The following BCAS4 variants were observed in gnomAD, a reference collection of about 807,000 sequenced individuals.
BCAS4 encodes breast carcinoma amplified sequence 4.
BCAS4 carries 9 observed loss-of-function variants against 15.7 expected under a neutral mutation model. The ratio of observed to expected loss-of-function variants is 0.57; its 90% CI spans 0.34 to 1.00. The LOEUF (loss-of-function observed/expected upper bound fraction) is 1.00, where lower values mean the gene tolerates loss of function less well. Ranked by LOEUF, BCAS4 falls within the 50% of genes least tolerant of loss-of-function variation. The probability of loss-of-function intolerance (pLI) is 0.02; values close to 1 mark genes in which losing one functional copy is unlikely to be tolerated. For synonymous variants in BCAS4, 101 were observed against 99.5 expected, an observed-to-expected ratio of 1.02 and a Z score of -0.09; for missense variants, 225 against 239.1, an observed-to-expected ratio of 0.94 and a Z score of 0.39.
chr20:50,853,028 A>T (rs911361662), intron 4 of BCAS4, among the ~76,000 whole-genome samples: 9 of 151,788 alleles, frequency 5.9e-5, no homozygotes, highest in African/African-American at 2.2e-4. Context: ...GGATCCCTCT[A>T]CACCCCCCAC....
chr20:50,825,201 G>A (rs55946808), intron 2 of BCAS4, among the ~76,000 whole-genome samples: 66 of 152,286 alleles, frequency 4.3e-4, no homozygotes, highest in African/African-American at 1.5e-3. Context: ...TGCCCCTCTA[G>A]ACTGGACCTA....
At chr20:50,815,606 C>T (rs2088127424) in intron 1 of BCAS4, among the ~76,000 whole-genome samples, 1 of 152,182 alleles carries the variant, frequency 6.6e-6, no homozygotes, top group African/African-American at 2.4e-5. Context: ...CTTCTCTCCC[C>T]TCTCCCCGAC....
chr20:50,867,058 A>G (rs1327926752), intron 4 of BCAS4, among the ~76,000 whole-genome samples: 1 of 152,130 alleles, frequency 6.6e-6, no homozygotes, highest in Non-Finnish European at 1.5e-5. Context: ...AAATTATAGA[A>G]TTAGAGCGAA....
chr20:50,842,021 A>G, intron 4 of BCAS4, 121 bp downstream of exon 4: 1 of 1,281,588 alleles, frequency 7.8e-7, no homozygotes, highest in South Asian at 1.6e-5. Flanking sequence ...TTCTGCAGAC[A>G]GGAAACGGGT....
At chr20:50,876,263 C>A (rs903644574) in intron 4 of BCAS4, among the ~76,000 whole-genome samples, 2 of 152,040 alleles carry the variant, frequency 1.3e-5, no homozygotes, top group Non-Finnish European at 2.9e-5. Context: ...CCTGGCTCTT[C>A]TTGATGCCTA....
At chr20:50,818,644 G>A (rs1237704313) in intron 2 of BCAS4, among the ~76,000 whole-genome samples, 1 of 152,322 alleles carries the variant, frequency 6.6e-6, no homozygotes, top group Admixed American at 6.5e-5. Flanking sequence ...GCTCTGCACC[G>A]TCCCCTGTGC....
intron 1 of BCAS4, among the ~76,000 whole-genome samples, chr20:50,808,608 G>A (rs1409581876): frequency 6.6e-6 from 1 of 152,180 alleles, no homozygotes; most frequent in Non-Finnish European, 1.5e-5. Flanking sequence ...TTGATCATTA[G>A]TGATGTTGAT....
At chr20:50,808,805 T>C (rs997554877) in intron 1 of BCAS4, among the ~76,000 whole-genome samples, 2 of 152,232 alleles carry the variant, frequency 1.3e-5, no homozygotes, top group South Asian at 4.1e-4. Context: ...ACTCTGCTGA[T>C]TATTTCTTTT....
In BCAS4 at chr20:50,876,584, C is replaced by G. The variant is rs147684139; in HGVS notation, c.498C>G (p.Pro166=). 80 of 1,614,150 alleles carry G rather than the reference C, an allele frequency of 5.0e-5. No individual in the cohort carries two copies. The African/African-American group carries it at 8.8e-4, about 18-fold the overall frequency. ...PVDAGEAQHH[P]RTCPRPL is the part of the protein sequence containing the mutation. ...ACGCCGGGGAAGCACAGCACCACCC[C>G]CGCACCTGCCCTCGGCCTTTGTGAG... is the stretch of plus-strand genomic sequence containing the variant. The change falls in exon 5 of 5, where the codon CCC becomes CCG. Residue 166 remains proline, a synonymous_variant. Transcript: ENST00000371608.
At position 50,795,094 on chromosome 20, in the gene BCAS4, T is replaced by G. The variant is rs1181569550; in HGVS notation, c.11T>G (p.Val4Gly). The part of the protein sequence containing the change: MLL[V>G]DADQPEPMRS... ...CCCGTCGCCCTCCTGATGCTGCTCG[T>G]GGACGCTGATCAGCCGGAGCCCATG... The change falls in exon 1 of 5, where the codon GTG (valine) becomes GGG (glycine). Residue 4 changes from valine (V) to glycine (G), a missense_variant. Transcript: ENST00000371608. 2.7e-6 allele frequency: 4 copies of G among 1,504,050 alleles called. No homozygotes were observed. In the African/African-American group the frequency reaches 4.3e-5, roughly 16 times the overall value. 93.2% of individuals were successfully genotyped at this position (1,504,050 alleles called of 1,614,324 possible).
chr20:50,867,040 TA>T lies in BCAS4; in HGVS notation c.400-9436del, dbSNP rs535066803. Among the ~76,000 whole-genome samples the T allele has an allele frequency of 6.6e-4, 100 of 150,674 alleles. 3 individuals carry two copies. In the East Asian group the frequency reaches 0.013, roughly 19 times the overall value. ...ACTGATCTGTTTCTTCTGTTGACTT[TA>T]AAAAAAAAATTATAGAATTAGAGCG... On this transcript the variant is annotated intron_variant, in intron 4 of 4. Transcript: ENST00000371608.
At chr20:50,853,797 ATGTTTTGTGTACTGGGAGG>A (rs1978601426) in intron 4 of BCAS4, among the ~76,000 whole-genome samples, 2 of 43,080 alleles carry the variant, frequency 4.6e-5, no homozygotes, top group Non-Finnish European at 5.5e-5. Flanking sequence ...TGTACTGGGG[ATGTTTTGTGTACTGGGAGG>A]TGTTTTGTGT....
intron 3 of BCAS4, among the ~76,000 whole-genome samples, chr20:50,837,844 G>C (rs980489486): frequency 1.3e-5 from 2 of 152,238 alleles, no homozygotes; most frequent in Non-Finnish European, 2.9e-5. Flanking sequence ...AATTGGAATC[G>C]GCTGGAGGAA....
Position 50,856,852 on chromosome 20 carries a change from T to C in BCAS4, c.399+14952T>C, listed in dbSNP as rs375366505. Among the ~76,000 whole-genome samples, 10 of 152,328 alleles carry C rather than the reference T, an allele frequency of 6.6e-5. No homozygotes were observed. In the East Asian group the frequency reaches 1.4e-3, roughly 21 times the overall value. On this transcript the variant is annotated intron_variant, in intron 4 of 4. Coordinates refer to ENST00000371608, the MANE Select transcript of BCAS4 (RefSeq NM_198799.4). ...GTGCCAGGCCCTCTGATTGATTGATTGATGAGTCACATCACTTAGTGGCTG... is the reference window on the plus strand; with the variant it reads ...GTGCCAGGCCCTCTGATTGATTGATCGATGAGTCACATCACTTAGTGGCTG...
At chr20:50,875,401 G>GT (rs1392342207) in intron 4 of BCAS4, among the ~76,000 whole-genome samples, 3 of 152,134 alleles carry the variant, frequency 2.0e-5, no homozygotes, top group Non-Finnish European at 4.4e-5. Flanking sequence ...AAATGGTTTT[G>GT]TTTTTTGAAA....
chr20:50,824,333 C>T (rs1407552571), intron 2 of BCAS4, among the ~76,000 whole-genome samples: 1 of 152,236 alleles, frequency 6.6e-6, no homozygotes, highest in Non-Finnish European at 1.5e-5. Flanking sequence ...CTTTGGCTCT[C>T]CTTCCTAGGG....
At chr20:50,833,602 C>A (rs1322439413) in intron 3 of BCAS4, among the ~76,000 whole-genome samples, 3 of 152,240 alleles carry the variant, frequency 2.0e-5, no homozygotes, top group Non-Finnish European at 1.5e-5. Flanking sequence ...TGATCTAGAG[C>A]TGCATAGCCT....
At chr20:50,819,492 G>T (rs990841044) in intron 2 of BCAS4, among the ~76,000 whole-genome samples, 1 of 152,134 alleles carries the variant, frequency 6.6e-6, no homozygotes, top group African/African-American at 2.4e-5. Flanking sequence ...GAACCCAAGG[G>T]AGTAACAGTA....
intron 4 of BCAS4, among the ~76,000 whole-genome samples, chr20:50,869,742 CTT>C (rs55685532): frequency 3.5e-3 from 273 of 77,644 alleles, no homozygotes; most frequent in African/African-American, 0.011. Context: ...CCTGGCACTG[CTT>C]TTTTTTTTTT....
Sources: gnomAD v4.1 joint callset for allele counts (sites outside exome capture counted in the v4.1 genomes callset) on GRCh38, gnomAD v4.1.1 for gene constraint, MANE v1.5 for transcripts, NCBI Gene and HGNC (gene_info 2026-07-23, HGNC 2026-07-21) for gene names.